CDC42BPA: variants seen among roughly 807,000 people sequenced by gnomAD.
CDC42BPA encodes serine/threonine-protein kinase MRCK alpha.
A neutral mutation model predicts 223.5 loss-of-function variants in CDC42BPA; 80 were observed. The ratio of observed to expected loss-of-function variants is 0.36; its 90% confidence interval spans 0.30 to 0.43. The LOEUF is 0.43. Among genes scored for constraint, CDC42BPA ranks in the 20% least tolerant of loss-of-function variants. The probability of loss-of-function intolerance (pLI) is 1.00; values close to 1 mark genes in which losing one functional copy is unlikely to be tolerated. For synonymous variants in CDC42BPA, 694 were observed against 718.6 expected (o/e 0.97, Z 0.55); for missense variants, 1,743 against 2,099.9 (o/e 0.83, Z 3.32).
At chr1:227,011,126 A>C in intron 34 of CDC42BPA, 1 of 895,564 alleles carries the variant, frequency 1.1e-6, no homozygotes, top group Non-Finnish European at 1.6e-6. Context: ...TTCACATTTC[A>C]CAAAACATGC....
intron 17 of CDC42BPA, among the ~76,000 whole-genome samples, chr1:227,074,696 T>C (rs1224107251): frequency 1.3e-5 from 2 of 152,202 alleles, no homozygotes; most frequent in African/African-American, 4.8e-5. Context: ...TGTGAGGTTT[T>C]CTAAATAATA....
Position 227,035,468 on chromosome 1 carries a change from T to C in CDC42BPA, c.3336+3A>G, listed in dbSNP as rs1402412408. On this transcript the variant is annotated splice_donor_region_variant and intron_variant, in intron 25 of 36. Coordinates refer to ENST00000366766, the MANE Select transcript of CDC42BPA (RefSeq NM_001394014.1). ...AATCTAAACCCAACTTAATCATACT[T>C]ACCCTGACATGACCTTCATATGCTG... 1 of 1,603,538 alleles carries C rather than the reference T, an allele frequency of 6.2e-7. No homozygotes were observed. Among genetic ancestry groups the C allele is most frequent in the East Asian group, 2.2e-5 (1 of 44,662 alleles).
chr1:227,182,103 C>T (rs1385932903), intron 5 of CDC42BPA, among the ~76,000 whole-genome samples: 1 of 152,128 alleles, frequency 6.6e-6, no homozygotes, highest in Non-Finnish European at 1.5e-5. Flanking sequence ...CTGACTGCTC[C>T]TTCTTAGTTT....
At chr1:227,188,129 T>TA (rs1196299931) in intron 5 of CDC42BPA, among the ~76,000 whole-genome samples, 1 of 152,170 alleles carries the variant, frequency 6.6e-6, no homozygotes, top group Non-Finnish European at 1.5e-5. Flanking sequence ...CTTTTATTTT[T>TA]AATTAGTCTA....
chr1:227,317,336 A>C lies in CDC42BPA; in HGVS notation c.-154T>G, dbSNP rs1159863867. 1.5e-6 allele frequency: 1 copy of C among 684,938 alleles called. No individual in the cohort carries two copies. Among genetic ancestry groups the C allele is most frequent in the Non-Finnish European group, 2.4e-6 (1 of 422,292 alleles). The allele number at this position is 684,938 out of a possible 1,614,324, so 42.4% of individuals were successfully genotyped here. On this transcript the variant is annotated 5_prime_UTR_variant, in exon 1 of 37. Coordinates refer to ENST00000366766, the MANE Select transcript of CDC42BPA (RefSeq NM_001394014.1). The stretch of plus-strand genomic sequence containing the variant: ...GCTGGTGCTGAATTAAACATCCAAC[A>C]CACCAGTAACCTCACTTAACTGAAG...
At chr1:227,306,281 G>A (rs529931237) in intron 1 of CDC42BPA, among the ~76,000 whole-genome samples, 6 of 152,128 alleles carry the variant, frequency 3.9e-5, no homozygotes, top group African/African-American at 1.4e-4. Context: ...AATAAGATCA[G>A]TAAGATCCAG....
intron 2 of CDC42BPA, among the ~76,000 whole-genome samples, chr1:227,233,912 G>A (rs1318507453): frequency 6.6e-6 from 1 of 152,204 alleles, no homozygotes; most frequent in African/African-American, 2.4e-5. Context: ...CTGCCTGGGT[G>A]ACAGGACGAG....
chr1:227,239,876 C>A lies in CDC42BPA; in HGVS notation c.270+14188G>T, dbSNP rs1679726791. 2.0e-5 allele frequency among the ~76,000 whole-genome samples: 3 copies of A among 152,016 alleles called. No individual in the cohort carries two copies. In the South Asian group the frequency reaches 6.2e-4, roughly 31 times the overall value. On this transcript the variant is annotated intron_variant, in intron 2 of 36. Coordinates refer to ENST00000366766, the MANE Select transcript of CDC42BPA (RefSeq NM_001394014.1). ...TTCAGGAATAAGGTAAGGATGTCCA[C>A]CCTTGTGACACCATTTCAACACTGT...
intron 10 of CDC42BPA, among the ~76,000 whole-genome samples, chr1:227,138,302 GAAA>G (rs746588736): frequency 1.3e-5 from 2 of 151,894 alleles, no homozygotes; most frequent in Non-Finnish European, 2.9e-5. Context: ...GAAAAAAGCA[GAAA>G]AAGGAGACAG....
At chr1:227,216,359 T>A (rs1030515685) in intron 2 of CDC42BPA, among the ~76,000 whole-genome samples, 2 of 152,058 alleles carry the variant, frequency 1.3e-5, no homozygotes, top group African/African-American at 4.8e-5. Context: ...ATGGCTAAAA[T>A]GAGACTACAC....
chr1:227,018,342 G>C (rs1395700546), intron 32 of CDC42BPA, among the ~76,000 whole-genome samples: 1 of 152,158 alleles, frequency 6.6e-6, no homozygotes, highest in Non-Finnish European at 1.5e-5. Flanking sequence ...GAGGGTTGCA[G>C]GAACACTTTG....
intron 21 of CDC42BPA, among the ~76,000 whole-genome samples, chr1:227,065,390 G>C (rs1676834811): frequency 6.6e-6 from 1 of 152,210 alleles, no homozygotes; most frequent in African/African-American, 2.4e-5. Flanking sequence ...TAGAGAAGCA[G>C]AGAGTGTTGA....
At chr1:227,278,167 G>T (rs1687433552) in intron 1 of CDC42BPA, among the ~76,000 whole-genome samples, 2 of 152,226 alleles carry the variant, frequency 1.3e-5, no homozygotes, top group African/African-American at 4.8e-5. Flanking sequence ...AGCAGTGGTT[G>T]TGAAATTTTT....
intron 1 of CDC42BPA, among the ~76,000 whole-genome samples, chr1:227,315,044 A>G (rs766195794): frequency 6.6e-6 from 1 of 152,082 alleles, no homozygotes; most frequent in Non-Finnish European, 1.5e-5. Flanking sequence ...ATCTATTTCA[A>G]TTCTTAAATA....
chr1:227,187,407 G>A (rs1294973242), intron 5 of CDC42BPA, among the ~76,000 whole-genome samples: 3 of 150,220 alleles, frequency 2.0e-5, no homozygotes, highest in African/African-American at 7.4e-5. Context: ...TAGTAGACTA[G>A]ACACCACTTA....
chr1:227,238,914 T>C (rs1364833110), intron 2 of CDC42BPA, among the ~76,000 whole-genome samples: 1 of 152,170 alleles, frequency 6.6e-6, no homozygotes, highest in Non-Finnish European at 1.5e-5. Context: ...TTCTCAGCAC[T>C]GACAGAACTA....
intron 4 of CDC42BPA, among the ~76,000 whole-genome samples, chr1:227,196,057 G>A (rs1488640042): frequency 6.6e-6 from 1 of 151,222 alleles, no homozygotes; most frequent in Non-Finnish European, 1.5e-5. Context: ...AGGAATCACT[G>A]GTTAAATTAC....
chr1:227,249,705 C>T (rs1681623269), intron 2 of CDC42BPA, among the ~76,000 whole-genome samples: 1 of 152,136 alleles, frequency 6.6e-6, no homozygotes, highest in African/African-American at 2.4e-5. Context: ...AAGTGGTCAA[C>T]ATCACTGATC....
At chr1:227,315,985 G>C (rs11807620) in intron 1 of CDC42BPA, among the ~76,000 whole-genome samples, 45,320 of 123,058 alleles carry the variant, frequency 0.37, 7,199 homozygotes, top group East Asian at 0.46. Flanking sequence ...GACACAATCA[G>C]CACTTGACTT....
Sources: allele counts gnomAD v4.1 joint callset (sites outside exome capture counted in the v4.1 genomes callset), GRCh38; gene constraint gnomAD v4.1.1; transcripts MANE v1.5; gene names NCBI Gene and HGNC (gene_info 2026-07-23, HGNC 2026-07-21).